The following LPAR3 variants were observed in gnomAD, a reference collection of about 807,000 sequenced individuals.
The protein encoded by LPAR3 is lysophosphatidic acid receptor 3.
In LPAR3, 7 loss-of-function variants were observed where a neutral mutation model predicts 17.8. The observed-to-expected ratio is 0.39, with a 90% CI of 0.22 to 0.74. LPAR3 has a LOEUF of 0.74. Ranked by LOEUF, LPAR3 falls within the 30% of genes least tolerant of loss-of-function variation. The probability of loss-of-function intolerance (pLI) is 0.40; values close to 1 mark genes in which losing one functional copy is unlikely to be tolerated. For synonymous variants in LPAR3, 179 were observed against 179.9 expected (o/e 0.99, Z 0.04); for missense variants, 391 against 453.4 (o/e 0.86, Z 1.25).
intron 2 of LPAR3, among the ~76,000 whole-genome samples, chr1:84,814,708 C>A (rs1658899443): frequency 6.6e-6 from 1 of 152,220 alleles, no homozygotes; most frequent in Non-Finnish European, 1.5e-5. Context: ...TTAACCAAAT[C>A]ACCTGCTCAT....
intron 2 of LPAR3, among the ~76,000 whole-genome samples, chr1:84,837,355 A>G (rs1040267845): frequency 2.0e-5 from 3 of 152,342 alleles, no homozygotes; most frequent in Admixed American, 2.0e-4. Flanking sequence ...TGATATAAAT[A>G]TCACACTTTA....
chr1:84,865,748 C>G lies in LPAR3; in HGVS notation c.373G>C (p.Val125Leu), dbSNP rs139292595. The G allele has an allele frequency of 1.9e-6, 3 of 1,614,194 alleles. No homozygotes were observed. Among genetic ancestry groups the G allele is most frequent in the South Asian group, 1.1e-5 (1 of 91,082 alleles). Residue 125 changes from valine (V) to leucine (L), a missense_variant, in exon 2 of 3, where the codon GTG becomes CTG. Val to Leu is a conservative substitution (Grantham distance 32). Coordinates refer to ENST00000370611, the MANE Select transcript of LPAR3 (RefSeq NM_012152.3). ...CTCATGATTGACATGTGCCTCTCCA[C>G]GGCGATAACCAGCAAGTTGGTGAGG... ...ASLTNLLVIA[V>L]ERHMSIMRMR... is the part of the protein sequence containing the mutation.
intron 2 of LPAR3, among the ~76,000 whole-genome samples, chr1:84,847,848 A>T (rs1352857097): frequency 6.6e-6 from 1 of 152,210 alleles, no homozygotes; most frequent in Non-Finnish European, 1.5e-5. Context: ...TTCTAACTAC[A>T]GGGCCCAAAG....
intron 1 of LPAR3, among the ~76,000 whole-genome samples, chr1:84,869,462 C>T (rs531763553): frequency 1.7e-4 from 26 of 152,158 alleles, no homozygotes; most frequent in African/African-American, 6.0e-4. Flanking sequence ...AAAGATTGCA[C>T]AGGATGGAAT....
At chr1:84,868,419 A>G (rs944943294) in intron 1 of LPAR3, among the ~76,000 whole-genome samples, 29 of 152,300 alleles carry the variant, frequency 1.9e-4, no homozygotes, top group African/African-American at 6.7e-4. Flanking sequence ...CTGAGAGATC[A>G]TATTTTTAAT....
At chr1:84,860,623 T>C (rs1659922547) in intron 2 of LPAR3, among the ~76,000 whole-genome samples, 1 of 152,156 alleles carries the variant, frequency 6.6e-6, no homozygotes, top group Non-Finnish European at 1.5e-5. Context: ...CTCACTGAAT[T>C]CATGCAACCA....
chr1:84,841,171 T>A (rs748459784), intron 2 of LPAR3, among the ~76,000 whole-genome samples: 1 of 152,208 alleles, frequency 6.6e-6, no homozygotes, highest in Admixed American at 6.5e-5. Flanking sequence ...TCTTTCTAGA[T>A]CACAGATCAA....
intron 2 of LPAR3, among the ~76,000 whole-genome samples, chr1:84,839,215 T>A (rs1166029780): frequency 6.6e-6 from 1 of 152,240 alleles, no homozygotes; most frequent in Admixed American, 6.5e-5. Context: ...GCATCTTCTA[T>A]GTGCTCCCAG....
At chr1:84,864,218 A>C (rs1024077785) in intron 2 of LPAR3, among the ~76,000 whole-genome samples, 12 of 151,740 alleles carry the variant, frequency 7.9e-5, no homozygotes, top group African/African-American at 1.9e-4. Flanking sequence ...TCTCAAAAAA[A>C]AAAAAACAAA....
At chr1:84,876,987 C>T (rs1408991536) in intron 1 of LPAR3, among the ~76,000 whole-genome samples, 1 of 152,192 alleles carries the variant, frequency 6.6e-6, no homozygotes, top group East Asian at 1.9e-4. Flanking sequence ...CCATGGTTTA[C>T]TGCATACTGG....
chr1:84,877,835 T>C (rs1660286639), intron 1 of LPAR3, among the ~76,000 whole-genome samples: 1 of 152,196 alleles, frequency 6.6e-6, no homozygotes, highest in South Asian at 2.1e-4. Context: ...TGACTCATGA[T>C]TGTGCCCCTC....
intron 1 of LPAR3, among the ~76,000 whole-genome samples, chr1:84,870,590 T>C (rs1053274989): frequency 6.6e-6 from 1 of 152,250 alleles, no homozygotes; most frequent in Non-Finnish European, 1.5e-5. Flanking sequence ...ATTATTACTA[T>C]TTTTCATTAT....
At chr1:84,817,671 A>G (rs1658966818) in intron 2 of LPAR3, among the ~76,000 whole-genome samples, 1 of 152,172 alleles carries the variant, frequency 6.6e-6, no homozygotes, top group African/African-American at 2.4e-5. Context: ...TGGAAACAGC[A>G]TAAAGATGAG....
At position 84,816,545 on chromosome 1, in the gene LPAR3, T is replaced by C. The variant is rs141988205; in HGVS notation, c.737-2374A>G. On this transcript the variant is annotated intron_variant, in intron 2 of 2. Coordinates refer to ENST00000370611, the MANE Select transcript of LPAR3 (RefSeq NM_012152.3). ...TGGGCGTGGTGGCTCACATCTATAA[T>C]TCCAGCACTTTGGGAGGCTGAGGTG... Among the ~76,000 whole-genome samples, 278 of 152,270 alleles carry C rather than the reference T, an allele frequency of 1.8e-3. 1 individual carries two copies. Among genetic ancestry groups the C allele is most frequent in the Non-Finnish European group, 2.5e-3 (167 of 68,014 alleles).
intron 2 of LPAR3, among the ~76,000 whole-genome samples, chr1:84,815,755 G>T (rs1658920261): frequency 6.6e-6 from 1 of 152,148 alleles, no homozygotes; most frequent in African/African-American, 2.4e-5. Context: ...ATGGAAAGTG[G>T]TACCCAACAC....
In LPAR3 at chr1:84,813,671, C is replaced by T. The variant is rs1658866720; in HGVS notation, c.*175G>A. On this transcript the variant is annotated 3_prime_UTR_variant, in exon 3 of 3. Coordinates refer to ENST00000370611, the MANE Select transcript of LPAR3 (RefSeq NM_012152.3). The stretch of plus-strand genomic sequence containing the variant: ...TGTGCTTTCTCTAAATGCAGCAGGT[C>T]CTCTCTTTACTGCCCATGCTTTTAA... 6.9e-6 allele frequency: 4 copies of T among 583,234 alleles called. No individual in the cohort carries two copies. The highest frequency in any genetic ancestry group is 1.2e-5 in the Non-Finnish European group (4 of 331,838). The allele number at this position is 583,234 out of a possible 1,614,324, so 36.1% of individuals were successfully genotyped here.
At chr1:84,834,143 A>T (rs968294502) in intron 2 of LPAR3, among the ~76,000 whole-genome samples, 2 of 152,184 alleles carry the variant, frequency 1.3e-5, no homozygotes, top group African/African-American at 2.4e-5. Context: ...AATATTTTTT[A>T]AAAATTTTCA....
intron 2 of LPAR3, among the ~76,000 whole-genome samples, chr1:84,863,281 C>T (rs917900424): frequency 5.9e-5 from 9 of 152,002 alleles, no homozygotes; most frequent in Non-Finnish European, 8.8e-5. Context: ...CACCATGTTG[C>T]CCAGGCTCTT....
chr1:84,856,276 G>T (rs979666960), intron 2 of LPAR3, among the ~76,000 whole-genome samples: 1 of 152,194 alleles, frequency 6.6e-6, no homozygotes, highest in African/African-American at 2.4e-5. Flanking sequence ...TGGATGGCTT[G>T]ACTCTGAAAA....
Sources: allele counts gnomAD v4.1 joint callset (sites outside exome capture counted in the v4.1 genomes callset), GRCh38; gene constraint gnomAD v4.1.1; transcripts MANE v1.5; gene names NCBI Gene and HGNC (gene_info 2026-07-23, HGNC 2026-07-21).